The following LTBP1 variants were observed in gnomAD, a reference collection of about 807,000 sequenced individuals.
LTBP1 encodes the protein latent-transforming growth factor beta-binding protein 1.
Under a neutral mutation model 207.6 loss-of-function variants are expected in LTBP1, and 129 were observed. The observed-to-expected ratio is 0.62, with a 90% CI of 0.54 to 0.72. LTBP1 has a LOEUF of 0.72. Ranked by LOEUF, LTBP1 falls within the 30% of genes least tolerant of loss-of-function variation. LTBP1 has a pLI of 0.00. For synonymous variants in LTBP1, 963 were observed against 833.7 expected (o/e 1.16, Z -2.67); for missense variants, 2,281 against 2,217.2 (o/e 1.03, Z -0.58).
intron 31 of LTBP1, among the ~76,000 whole-genome samples, chr2:33,382,389 C>T (rs1329468590): frequency 6.6e-6 from 1 of 152,050 alleles, no homozygotes; most frequent in African/African-American, 2.4e-5. Context: ...GCCACGGTGC[C>T]CAGTCTAGCT....
At position 33,257,318 on chromosome 2, in the gene LTBP1, T is replaced by C; in HGVS notation, c.2202T>C (p.Gly734=). Residue 734 remains glycine (G), a synonymous_variant, in exon 12 of 34, where the codon GGT becomes GGC. Coordinates refer to ENST00000404816, the MANE Select transcript of LTBP1 (RefSeq NM_206943.4). The part of the protein sequence containing the change: ...AFKEICPGGM[G]YTVSGVHRRR... ...AGGAAATCTGTCCTGGTGGAATGGG[T>C]TATACGGTTTCTGGCGTTCATAGAC... is the stretch of plus-strand genomic sequence containing the variant. 1 of 1,614,158 alleles carries C rather than the reference T, an allele frequency of 6.2e-7. No homozygotes were observed. Among genetic ancestry groups the C allele is most frequent in the Non-Finnish European group, 8.5e-7 (1 of 1,180,008 alleles).
At chr2:33,199,711 T>C (rs184654283) in intron 7 of LTBP1, among the ~76,000 whole-genome samples, 137 of 152,316 alleles carry the variant, frequency 9.0e-4, no homozygotes, top group African/African-American at 1.5e-3. Context: ...GACATGATTG[T>C]ATATCTAGAA....
chr2:32,964,254 GA>G (rs1679598407), intron 2 of LTBP1, among the ~76,000 whole-genome samples: 2 of 152,280 alleles, frequency 1.3e-5, no homozygotes, highest in East Asian at 3.9e-4. Flanking sequence ...GTGTATTTAG[GA>G]AAGGAATTGC....
In LTBP1 at chr2:33,257,520, G is replaced by A. The variant is rs776045141; in HGVS notation, c.2395+9G>A. On this transcript the variant is annotated intron_variant, in intron 12 of 33. Transcript: ENST00000404816. The stretch of plus-strand genomic sequence containing the variant: ...AGTGGCGGAGCCAGAAGGTGAGAGC[G>A]GTAATGGATCATGGACTCTAGACAT... 1.4e-5 allele frequency: 22 copies of A among 1,608,040 alleles called. No homozygotes were observed. Among genetic ancestry groups the A allele is most frequent in the South Asian group, 5.5e-5 (5 of 90,876 alleles).
At chr2:32,970,333 T>G (rs892292388) in intron 2 of LTBP1, among the ~76,000 whole-genome samples, 11 of 152,196 alleles carry the variant, frequency 7.2e-5, no homozygotes, top group African/African-American at 2.7e-4. Flanking sequence ...TCATGAAATC[T>G]TTTCCAGGGC....
intron 3 of LTBP1, among the ~76,000 whole-genome samples, chr2:33,103,692 A>C (rs1217005245): frequency 6.6e-6 from 1 of 151,588 alleles, no homozygotes; most frequent in African/African-American, 2.4e-5. Flanking sequence ...CCCTATGTGC[A>C]TATTGCCCTT....
intron 2 of LTBP1, among the ~76,000 whole-genome samples, chr2:33,004,786 AATATATATATATATATAT>A (rs34777461): frequency 9.9e-6 from 1 of 101,130 alleles, no homozygotes. Flanking sequence ...AAAAAAAAGG[AATATATATATATATATAT>A]ATATATATAT....
chr2:33,231,156 T>C (rs896974500), intron 9 of LTBP1, among the ~76,000 whole-genome samples: 4 of 152,216 alleles, frequency 2.6e-5, no homozygotes, highest in African/African-American at 9.6e-5. Flanking sequence ...CAGGATGCAA[T>C]GTGCTTTATT....
chr2:33,193,458 CTTAATAG>C (rs1414742370), intron 7 of LTBP1, among the ~76,000 whole-genome samples: 1 of 152,128 alleles, frequency 6.6e-6, no homozygotes, highest in East Asian at 1.9e-4. Flanking sequence ...TGTCCTTATT[CTTAATAG>C]ATGAATGCTG....
intron 5 of LTBP1, among the ~76,000 whole-genome samples, chr2:33,142,177 G>T (rs574239828): frequency 1.3e-5 from 2 of 151,802 alleles, no homozygotes; most frequent in African/African-American, 4.8e-5. Context: ...TCAGCCTCCC[G>T]AGCAGCTGGG....
intron 2 of LTBP1, among the ~76,000 whole-genome samples, chr2:32,949,271 A>G (rs1572771873): frequency 1.3e-5 from 2 of 152,268 alleles, no homozygotes; most frequent in South Asian, 4.1e-4. Context: ...GGCAGAACCA[A>G]TGTAATTAAT....
At chr2:33,360,802 A>T in intron 27 of LTBP1, 23 bp downstream of exon 27, 1 of 1,610,830 alleles carries the variant, frequency 6.2e-7, no homozygotes, top group Non-Finnish European at 8.5e-7. Flanking sequence ...TTAGTGGTAG[A>T]GTCACACTTG....
At chr2:33,309,694 G>A (rs931189807) in intron 23 of LTBP1, 138 bp downstream of exon 23, 13 of 998,868 alleles carry the variant, frequency 1.3e-5, no homozygotes, top group Non-Finnish European at 1.9e-5. Context: ...TAAAATAGCT[G>A]TCTTGGGTCC....
chr2:33,002,003 C>G (rs1166088410), intron 2 of LTBP1, among the ~76,000 whole-genome samples: 1 of 134,722 alleles, frequency 7.4e-6, no homozygotes, highest in African/African-American at 2.6e-5. Context: ...AAGCAAACAG[C>G]AAACACATGC....
At chr2:33,049,106 T>C (rs2149483884) in intron 3 of LTBP1, among the ~76,000 whole-genome samples, 1 of 152,282 alleles carries the variant, frequency 6.6e-6, no homozygotes, top group South Asian at 2.1e-4. Flanking sequence ...ACTTGTAAAA[T>C]AAATGTACAG....
chr2:32,982,955 G>T (rs754804788), intron 2 of LTBP1, among the ~76,000 whole-genome samples: 5 of 152,208 alleles, frequency 3.3e-5, no homozygotes, highest in Non-Finnish European at 7.3e-5. Flanking sequence ...CACCACTGGG[G>T]CATTGCCTAG....
At chr2:33,311,134 C>T (rs1200334130) in intron 23 of LTBP1, among the ~76,000 whole-genome samples, 1 of 152,050 alleles carries the variant, frequency 6.6e-6, no homozygotes, top group African/African-American at 2.4e-5. Context: ...AAGATAGTGG[C>T]ACTGGAATTA....
chr2:33,353,728 GAAAA>G (rs1169850180), intron 26 of LTBP1, among the ~76,000 whole-genome samples: 1 of 151,778 alleles, frequency 6.6e-6, no homozygotes, highest in Non-Finnish European at 1.5e-5. Flanking sequence ...TAAATTAAAA[GAAAA>G]AAAGAACATC....
intron 31 of LTBP1, among the ~76,000 whole-genome samples, chr2:33,383,662 A>G (rs1343340018): frequency 6.6e-6 from 1 of 151,950 alleles, no homozygotes; most frequent in East Asian, 1.9e-4. Flanking sequence ...CTGGGCTCAG[A>G]TGATCCTCTA....
Sources: gnomAD v4.1 joint callset for allele counts (sites outside exome capture counted in the v4.1 genomes callset) on GRCh38, gnomAD v4.1.1 for gene constraint, MANE v1.5 for transcripts, NCBI Gene and HGNC (gene_info 2026-07-23, HGNC 2026-07-21) for gene names.